The following BCHE variants were observed in gnomAD, a reference collection of about 807,000 sequenced individuals.
BCHE encodes the protein butyrylcholinesterase, also known as cholinesterase.
A neutral mutation model predicts 51.3 loss-of-function variants in BCHE; 48 were observed. The observed-to-expected ratio is 0.94, with a 90% CI of 0.74 to 1.19. The LOEUF (loss-of-function observed/expected upper bound fraction) is 1.19. Among genes scored for constraint, BCHE ranks in the 50% most tolerant of loss-of-function variants. The pLI, the probability that BCHE is intolerant of heterozygous loss-of-function variation, is 0.00. For synonymous variants in BCHE, 251 were observed against 238.0 expected, an observed-to-expected ratio of 1.05 and a Z score of -0.50; for missense variants, 847 against 708.2, an observed-to-expected ratio of 1.20 and a Z score of -2.23.
At chr3:165,831,504 T>A (rs1576672436) in intron 1 of BCHE, among the ~76,000 whole-genome samples, 1 of 152,134 alleles carries the variant, frequency 6.6e-6, no homozygotes, top group Non-Finnish European at 1.5e-5. Flanking sequence ...GTTAAGTAGG[T>A]TAAGAACTTT....
intron 3 of BCHE, among the ~76,000 whole-genome samples, chr3:165,781,297 G>A (rs1441751309): frequency 2.0e-5 from 3 of 151,970 alleles, no homozygotes; most frequent in East Asian, 1.9e-4. Flanking sequence ...GTTTATTGCA[G>A]CACTATTTAC....
At chr3:165,814,268 A>C (rs2108224109) in intron 2 of BCHE, among the ~76,000 whole-genome samples, 1 of 152,208 alleles carries the variant, frequency 6.6e-6, no homozygotes, top group East Asian at 1.9e-4. Context: ...AGGGTTCATT[A>C]ATATGATTCA....
intron 2 of BCHE, among the ~76,000 whole-genome samples, chr3:165,815,021 A>G (rs1014155516): frequency 5.4e-5 from 8 of 148,962 alleles, no homozygotes; most frequent in Non-Finnish European, 3.0e-5. Flanking sequence ...TATTATATTC[A>G]TACCAATATA....
In BCHE at chr3:165,773,419, T is replaced by C. The variant is rs1712333351; in HGVS notation, c.1772A>G (p.Asp591Gly). 1 of 1,610,874 alleles carries C rather than the reference T, an allele frequency of 6.2e-7. No individual in the cohort carries two copies. The highest frequency in any genetic ancestry group is 1.3e-5 in the African/African-American group (1 of 74,874). The change falls in exon 4 of 4, where the codon GAT becomes GGT. Residue 591 changes from aspartate (D) to glycine (G), a missense_variant. Transcript: ENST00000264381. ...YMMDWKNQFN[D>G]YTSKKESCVG... ...ACAACTTTCTTTCTTGCTAGTGTAATCGTTAAATTGATTTTTCCAGTCCAT... is the reference window on the plus strand; with the variant it reads ...ACAACTTTCTTTCTTGCTAGTGTAACCGTTAAATTGATTTTTCCAGTCCAT...
intron 3 of BCHE, among the ~76,000 whole-genome samples, chr3:165,782,447 G>C (rs829501): frequency 0.95 from 144,061 of 152,110 alleles, 68,283 homozygotes; most frequent in Non-Finnish European, 0.97. Context: ...ATAACTTTTT[G>C]AGTTCACTTC....
At chr3:165,800,449 A>C (rs1333024790) in intron 2 of BCHE, among the ~76,000 whole-genome samples, 1 of 152,072 alleles carries the variant, frequency 6.6e-6, no homozygotes, top group Admixed American at 6.5e-5. Context: ...TGTCTTTATT[A>C]ATACCAAATA....
chr3:165,830,047 G>A lies in BCHE; in HGVS notation c.987C>T (p.Asp329=), dbSNP rs766000843. The stretch of plus-strand genomic sequence containing the variant: ...CAAGTTCAAGTAATATGTCTGGCAT[G>A]TCAGTGAGAAAATCACCATCCACGG... ...GPTVDGDFLT[D]MPDILLELGQ... is the part of the protein sequence containing the mutation. The change falls in exon 2 of 4, where the codon GAC becomes GAT. Residue 329 remains aspartate, a synonymous_variant. Transcript: ENST00000264381. 2 of 1,613,786 alleles carry A rather than the reference G, an allele frequency of 1.2e-6. No individual in the cohort carries two copies. The highest frequency in any genetic ancestry group is 2.2e-5 in the South Asian group (2 of 91,052).
intron 2 of BCHE, among the ~76,000 whole-genome samples, chr3:165,805,740 C>T (rs1036087258): frequency 6.6e-6 from 1 of 152,038 alleles, no homozygotes; most frequent in African/African-American, 2.4e-5. Context: ...TTAGAAATGA[C>T]ACATTTCTTT....
intron 2 of BCHE, among the ~76,000 whole-genome samples, chr3:165,806,201 T>C (rs984265332): frequency 1.3e-5 from 2 of 152,196 alleles, no homozygotes; most frequent in Non-Finnish European, 2.9e-5. Context: ...GGTTTACAAA[T>C]GTACAGTCTG....
chr3:165,802,256 CAG>C (rs761886128), intron 2 of BCHE, among the ~76,000 whole-genome samples: 4 of 152,112 alleles, frequency 2.6e-5, no homozygotes, highest in African/African-American at 7.2e-5. Context: ...GTATAGTGAG[CAG>C]AGAGATTATC....
Position 165,837,339 on chromosome 3 carries a change from A to G in BCHE, c.-34T>C. The G allele has an allele frequency of 7.8e-7, 1 of 1,289,736 alleles. No individual in the cohort carries two copies. The highest frequency in any genetic ancestry group is 1.0e-6 in the Non-Finnish European group (1 of 988,808). The allele number at this position is 1,289,736 out of a possible 1,614,324, so 79.9% of individuals were successfully genotyped here. A position where few individuals can be genotyped will look rare whatever the true frequency, so the allele number is the denominator to read the frequency against. On this transcript the variant is annotated 5_prime_UTR_variant, in exon 1 of 4. Coordinates refer to ENST00000264381, the MANE Select transcript of BCHE (RefSeq NM_000055.4). ...CCGATTCTCTGCAACAAAGATGGCA[A>G]AGTTTGCAAGGAGTGAAAATCATGT...
chr3:165,829,172 G>A (rs149781105), intron 2 of BCHE, among the ~76,000 whole-genome samples: 263 of 152,188 alleles, frequency 1.7e-3, no homozygotes, highest in African/African-American at 6.2e-3. Context: ...TGTGAACATT[G>A]TAAACTTGCA....
At chr3:165,792,307 C>A (rs1281543684) in intron 2 of BCHE, among the ~76,000 whole-genome samples, 1 of 151,898 alleles carries the variant, frequency 6.6e-6, no homozygotes, top group Admixed American at 6.6e-5. Flanking sequence ...TAAAAAAAAT[C>A]TAAGTAACGG....
At chr3:165,804,659 T>C (rs1471629202) in intron 2 of BCHE, among the ~76,000 whole-genome samples, 2 of 152,076 alleles carry the variant, frequency 1.3e-5, no homozygotes, top group African/African-American at 2.4e-5. Context: ...AAAAAGCAAG[T>C]TTGTAGCTGT....
At position 165,829,634 on chromosome 3, in the gene BCHE, C is replaced by T. The variant is rs745482363; in HGVS notation, c.1400G>A (p.Gly467Asp). Residue 467 changes from glycine to aspartate, a missense_variant, in exon 2 of 4, where the codon GGC becomes GAC. Coordinates refer to ENST00000264381, the MANE Select transcript of BCHE (RefSeq NM_000055.4). Reference sequence around the variant, plus strand: ...ACCAAAGACAAATTCAATTTCATAGCCATGCATCACTCCCATCCATTCTGG... The same window carrying T: ...ACCAAAGACAAATTCAATTTCATAGTCATGCATCACTCCCATCCATTCTGG... ...PWPEWMGVMHGYEIEFVFGLP... is the reference protein window; with the variant it reads ...PWPEWMGVMHDYEIEFVFGLP... 2.5e-6 allele frequency: 4 copies of T among 1,613,818 alleles called. No homozygotes were observed. The Admixed American group carries it at 6.7e-5, about 27-fold the overall frequency.
At chr3:165,833,896 A>T (rs1264967008) in intron 1 of BCHE, among the ~76,000 whole-genome samples, 1 of 152,132 alleles carries the variant, frequency 6.6e-6, no homozygotes, top group Admixed American at 6.6e-5. Context: ...TAATTGCATC[A>T]TCCCTGGTTG....
chr3:165,825,173 T>C (rs1469714539), intron 2 of BCHE, among the ~76,000 whole-genome samples: 1 of 152,124 alleles, frequency 6.6e-6, no homozygotes, highest in Non-Finnish European at 1.5e-5. Flanking sequence ...AATGTACTCA[T>C]TCATATCCAC....
intron 2 of BCHE, among the ~76,000 whole-genome samples, chr3:165,802,636 T>G (rs531021277): frequency 1.3e-4 from 20 of 152,244 alleles, no homozygotes; most frequent in East Asian, 1.9e-4. Flanking sequence ...TTGTTTTTTT[T>G]TTTTTGTAAT....
chr3:165,812,555 T>C (rs115259499), intron 2 of BCHE, among the ~76,000 whole-genome samples: 8,028 of 152,072 alleles, frequency 0.053, 283 homozygotes, highest in Non-Finnish European at 0.079. Flanking sequence ...ATCACATCTT[T>C]ATTTCATTTG....
Sources: allele counts gnomAD v4.1 joint callset (sites outside exome capture counted in the v4.1 genomes callset), GRCh38; gene constraint gnomAD v4.1.1; transcripts MANE v1.5; gene names NCBI Gene and HGNC (gene_info 2026-07-23, HGNC 2026-07-21).